ZNF385D: variants seen among roughly 807,000 people sequenced by gnomAD.
The protein encoded by ZNF385D is zinc finger protein 659.
Under a neutral mutation model 35.8 loss-of-function variants are expected in ZNF385D, and 15 were observed. The ratio of observed to expected loss-of-function variants is 0.42; its 90% CI spans 0.28 to 0.64. The LOEUF (loss-of-function observed/expected upper bound fraction) is 0.64. ZNF385D is among the 30% of genes least tolerant of loss of function. The pLI, the probability that ZNF385D is intolerant of heterozygous loss-of-function variation, is 0.23. For missense variants in ZNF385D, 474 were observed against 494.6 expected (o/e 0.96, Z 0.39); for synonymous variants, 212 against 186.8 (o/e 1.13, Z -1.10).
intron 2 of ZNF385D, among the ~76,000 whole-genome samples, chr3:22,346,122 C>A (rs1695648698): frequency 6.6e-6 from 1 of 152,186 alleles, no homozygotes; most frequent in Admixed American, 6.5e-5. Context: ...CCTTGGCACT[C>A]CCTGACATAC....
At chr3:21,602,512 A>ATTTTTTTT (rs199882061) in intron 2 of ZNF385D, among the ~76,000 whole-genome samples, 7 of 90,204 alleles carry the variant, frequency 7.8e-5, no homozygotes, top group African/African-American at 1.8e-4. Context: ...GTTTCCCTGC[A>ATTTTTTTT]TTTTCTTTTT....
At chr3:22,085,433 G>A (rs558825275) in intron 3 of ZNF385D, among the ~76,000 whole-genome samples, 2 of 152,280 alleles carry the variant, frequency 1.3e-5, no homozygotes, top group East Asian at 1.9e-4. Flanking sequence ...TATCATCAGA[G>A]AATACTATAA....
chr3:22,047,315 C>T (rs1032654969), intron 3 of ZNF385D, among the ~76,000 whole-genome samples: 1 of 151,970 alleles, frequency 6.6e-6, no homozygotes, highest in East Asian at 1.9e-4. Context: ...ATATAATATA[C>T]TAACGAAAGT....
rs374840080 is a variant in ZNF385D at position 21,465,784 on chromosome 3, G to A, written c.440-28581C>T. On this transcript the variant is annotated intron_variant, in intron 4 of 7. Coordinates refer to ENST00000281523, the MANE Select transcript of ZNF385D (RefSeq NM_024697.3). The surrounding 1 kb of genome is among the most constrained non-coding windows in gnomAD (Gnocchi z 4.2). Reference sequence around the variant, plus strand: ...GTTTGTAATTAATCATGCAGTAGACGTAAGCCAGGTGCTAGGTGTTAGGAT... The same window carrying A: ...GTTTGTAATTAATCATGCAGTAGACATAAGCCAGGTGCTAGGTGTTAGGAT... Among the ~76,000 whole-genome samples the A allele has an allele frequency of 3.8e-4, 58 of 152,202 alleles. No homozygotes were observed. Among genetic ancestry groups the A allele is most frequent in the Admixed American group, 1.4e-3 (21 of 15,296 alleles).
intron 3 of ZNF385D, among the ~76,000 whole-genome samples, chr3:21,983,409 GC>G (rs1694622087): frequency 1.9e-5 from 2 of 104,144 alleles, no homozygotes; most frequent in South Asian, 7.5e-4. Context: ...GTGAGAATAT[GC>G]GGTGTTTGGT....
intron 3 of ZNF385D, among the ~76,000 whole-genome samples, chr3:22,097,727 A>C (rs1438213206): frequency 1.3e-5 from 2 of 152,138 alleles, no homozygotes; most frequent in East Asian, 1.9e-4. Flanking sequence ...TGCTTGGAGA[A>C]GCAGCAGCAG....
chr3:22,062,797 C>A lies in ZNF385D; in HGVS notation c.325+106020G>T, dbSNP rs567354581. Among the ~76,000 whole-genome samples the A allele has an allele frequency of 2.0e-5, 3 of 152,286 alleles. No individual in the cohort carries two copies. In the South Asian group the frequency reaches 6.2e-4, roughly 32 times the overall value. ...TCTCTGGAAGATGCCAGCTGCCATGCAGTGAGGACATACACACAGCCATAT... is the reference window on the plus strand; with the variant it reads ...TCTCTGGAAGATGCCAGCTGCCATGAAGTGAGGACATACACACAGCCATAT... On this transcript the variant is annotated intron_variant, in intron 3 of 5. Coordinates refer to the ZNF385D transcript ENST00000494108.
intron 1 of ZNF385D, among the ~76,000 whole-genome samples, chr3:21,705,712 T>C (rs1222322606): frequency 6.6e-6 from 1 of 152,230 alleles, no homozygotes; most frequent in African/African-American, 2.4e-5. Flanking sequence ...ACCTTCTCTG[T>C]GTTCCATTGC....
chr3:21,575,002 C>G (rs2063452554), intron 2 of ZNF385D, among the ~76,000 whole-genome samples: 1 of 152,028 alleles, frequency 6.6e-6, no homozygotes, highest in South Asian at 2.1e-4. Flanking sequence ...ATTTTCTTAA[C>G]AAACATAAAA....
intron 3 of ZNF385D, among the ~76,000 whole-genome samples, chr3:21,981,407 T>C (rs1377487732): frequency 6.6e-6 from 1 of 152,136 alleles, no homozygotes; most frequent in Non-Finnish European, 1.5e-5. Flanking sequence ...CACTTTTAAA[T>C]GAGGCTATTT....
intron 4 of ZNF385D, among the ~76,000 whole-genome samples, chr3:21,480,178 C>T (rs1704523866): frequency 6.7e-6 from 1 of 149,936 alleles, no homozygotes; most frequent in African/African-American, 2.4e-5. Context: ...CCTCGGCTCA[C>T]TGCAACCTCT....
chr3:22,213,379 A>G (rs1039231909), intron 2 of ZNF385D, among the ~76,000 whole-genome samples: 1 of 152,060 alleles, frequency 6.6e-6, no homozygotes, highest in Non-Finnish European at 1.5e-5. Context: ...ACCAGATTTG[A>G]CCATTGGGTT....
intron 2 of ZNF385D, among the ~76,000 whole-genome samples, chr3:21,629,582 T>C (rs1015813988): frequency 1.3e-5 from 2 of 151,872 alleles, no homozygotes; most frequent in Admixed American, 6.6e-5. Flanking sequence ...CCATGTAGAG[T>C]TTCTTTTTCT....
At chr3:22,159,196 G>C (rs190326662) in intron 3 of ZNF385D, among the ~76,000 whole-genome samples, 1 of 151,908 alleles carries the variant, frequency 6.6e-6, no homozygotes, top group African/African-American at 2.4e-5. Context: ...ATACCTTCAA[G>C]TTCTTCAAAC....
rs948702895 is a variant in ZNF385D, at chr3:21,539,767, T to G, written c.276+24807A>C. On this transcript the variant is annotated intron_variant, in intron 3 of 7. Transcript: ENST00000281523. This position sits in a 1 kb window ranked among gnomAD's most constrained non-coding sequence, Gnocchi z 4.0. ...CCATGATAATGTTTTATCATTGTTA[T>G]AGTAACTTTTCTGATAATGCTACGG... Among the ~76,000 whole-genome samples the G allele has an allele frequency of 6.6e-6, 1 of 152,168 alleles. No individual in the cohort carries two copies. The highest frequency in any genetic ancestry group is 1.5e-5 in the Non-Finnish European group (1 of 68,012).
chr3:22,270,589 TA>T (rs1189515087), intron 2 of ZNF385D, among the ~76,000 whole-genome samples: 1 of 151,996 alleles, frequency 6.6e-6, no homozygotes, highest in African/African-American at 2.4e-5. Flanking sequence ...CTAGATACAA[TA>T]AAATTTAAAC....
chr3:21,557,679 A>G (rs1029135488), intron 3 of ZNF385D, among the ~76,000 whole-genome samples: 5 of 152,172 alleles, frequency 3.3e-5, no homozygotes, highest in African/African-American at 7.2e-5. Context: ...GCCTCATAAA[A>G]TAAGTTAGGG....
At chr3:22,101,494 T>C (rs1287350452) in intron 3 of ZNF385D, among the ~76,000 whole-genome samples, 1 of 152,100 alleles carries the variant, frequency 6.6e-6, no homozygotes, top group Non-Finnish European at 1.5e-5. Context: ...TCAGCAGATG[T>C]AAGGTTTAAA....
At chr3:21,869,515 G>C (rs1697571831) in intron 3 of ZNF385D, among the ~76,000 whole-genome samples, 1 of 152,014 alleles carries the variant, frequency 6.6e-6, no homozygotes, top group South Asian at 2.1e-4. Flanking sequence ...AGAGCAGAAG[G>C]TCAGTAAAGC....
Sources: gnomAD v4.1 joint callset for allele counts (sites outside exome capture counted in the v4.1 genomes callset) on GRCh38, gnomAD v4.1.1 for gene constraint, Gnocchi (gnomAD v3.1) non-coding constraint, MANE v1.5 for transcripts, NCBI Gene and HGNC (gene_info 2026-07-23, HGNC 2026-07-21) for gene names.